The following IPPK variants were observed in gnomAD, a reference collection of about 807,000 sequenced individuals.
IPPK encodes IPK1 homolog.
Under a neutral mutation model 64.6 loss-of-function variants are expected in IPPK, and 22 were observed. That is an observed-to-expected ratio of 0.34 (90% CI 0.24 to 0.49). The LOEUF (loss-of-function observed/expected upper bound fraction) is 0.49, where lower values mean the gene tolerates loss of function less well. Ranked by LOEUF, IPPK falls within the 20% of genes least tolerant of loss-of-function variation. The pLI, the probability that IPPK is intolerant of heterozygous loss-of-function variation, is 0.99. For missense variants in IPPK, 532 were observed against 630.7 expected, an observed-to-expected ratio of 0.84 and a Z score of 1.68; for synonymous variants, 262 against 247.2, an observed-to-expected ratio of 1.06 and a Z score of -0.56.
intron 11 of IPPK, among the ~76,000 whole-genome samples, chr9:92,622,036 T>C (rs7045269): frequency 0.038 from 5,832 of 152,210 alleles, 153 homozygotes; most frequent in Middle Eastern, 0.075. Context: ...TCACAACAAA[T>C]TGCATAATTA....
chr9:92,657,033 C>G (rs1204947946), intron 2 of IPPK, among the ~76,000 whole-genome samples: 5 of 152,142 alleles, frequency 3.3e-5, no homozygotes, highest in Admixed American at 3.3e-4. Context: ...TGGCCCAGTA[C>G]AGCTGTGGTC....
At chr9:92,641,592 G>A (rs1020738468) in intron 7 of IPPK, among the ~76,000 whole-genome samples, 10 of 152,232 alleles carry the variant, frequency 6.6e-5, no homozygotes, top group South Asian at 2.1e-4. Flanking sequence ...CGCCAGACTC[G>A]CTGAAGCCAT....
chr9:92,650,980 T>C (rs1003381016), intron 4 of IPPK, among the ~76,000 whole-genome samples: 8 of 151,924 alleles, frequency 5.3e-5, no homozygotes, highest in Non-Finnish European at 1.0e-4. Context: ...ATCACTGTGG[T>C]GTGATAAACC....
chr9:92,669,787 GGA>G (rs1852688090), intron 1 of IPPK, 119 bp downstream of exon 1: 1 of 670,362 alleles, frequency 1.5e-6, no homozygotes, highest in Non-Finnish European at 2.6e-6. Context: ...GACCGGCCGG[GGA>G]GGAGGAAGGT....
rs914890961 is a variant in IPPK at position 92,668,656 on chromosome 9, G to A, written c.81+1252C>T. Reference sequence around the variant, plus strand: ...GTAACCCAACAACAAAAGGACTCACGCAGAAACATCCCTCACTTTGCCAAT... The same window carrying A: ...GTAACCCAACAACAAAAGGACTCACACAGAAACATCCCTCACTTTGCCAAT... On this transcript the variant is annotated intron_variant, in intron 1 of 12. Transcript: ENST00000287996. 1.1e-4 allele frequency among the ~76,000 whole-genome samples: 17 copies of A among 152,318 alleles called. No individual in the cohort carries two copies. In the South Asian group the frequency reaches 2.1e-3, roughly 19 times the overall value.
At chr9:92,652,186 A>G (rs1327827389) in intron 4 of IPPK, among the ~76,000 whole-genome samples, 1 of 152,004 alleles carries the variant, frequency 6.6e-6, no homozygotes, top group East Asian at 1.9e-4. Context: ...ACGGTGGCTC[A>G]CGCCTATAAT....
intron 2 of IPPK, among the ~76,000 whole-genome samples, chr9:92,657,347 T>TCAAAAAAAAA (rs1852393120): frequency 7.0e-6 from 1 of 143,602 alleles, no homozygotes; most frequent in East Asian, 2.0e-4. Flanking sequence ...AGACTCTGTC[T>TCAAAAAAAAA]CAAAAAAAAA....
chr9:92,661,563 T>C (rs1852484709), intron 1 of IPPK, among the ~76,000 whole-genome samples: 1 of 152,174 alleles, frequency 6.6e-6, no homozygotes, highest in African/African-American at 2.4e-5. Context: ...ACACAGTGGC[T>C]TGGCCTCCCT....
intron 6 of IPPK, among the ~76,000 whole-genome samples, chr9:92,647,643 TGCTTTG>T (rs1335439793): frequency 2.6e-5 from 4 of 151,872 alleles, no homozygotes; most frequent in Non-Finnish European, 5.9e-5. Context: ...GAAGACACCT[TGCTTTG>T]AAGTGATAAA....
At chr9:92,631,332 AC>A (rs553220634) in intron 11 of IPPK, among the ~76,000 whole-genome samples, 55 of 152,130 alleles carry the variant, frequency 3.6e-4, no homozygotes, top group African/African-American at 1.1e-3. Flanking sequence ...AGTAGCTGGA[AC>A]TACAGGCATG....
At chr9:92,664,039 C>A (rs1267291180) in intron 1 of IPPK, among the ~76,000 whole-genome samples, 1 of 152,156 alleles carries the variant, frequency 6.6e-6, no homozygotes, top group Non-Finnish European at 1.5e-5. Context: ...GGCTGCCCTC[C>A]CTGTAGACCC....
chr9:92,633,217 T>G (rs1482291042), intron 11 of IPPK, among the ~76,000 whole-genome samples: 1 of 152,004 alleles, frequency 6.6e-6, no homozygotes, highest in African/African-American at 2.4e-5. Context: ...TTGACCATGT[T>G]AGCCAGGATG....
chr9:92,624,810 CACTCTAAAGTAAATAGAAATGTG>C (rs1229668323), intron 11 of IPPK, among the ~76,000 whole-genome samples: 1 of 152,042 alleles, frequency 6.6e-6, no homozygotes, highest in Non-Finnish European at 1.5e-5. Context: ...ATTCATGGAT[CACTCTAAAGTAAATAGAAATGTG>C]GCAATAAAGT....
chr9:92,640,617 C>T (rs1339323692), intron 8 of IPPK, 93 bp downstream of exon 8: 19 of 846,238 alleles, frequency 2.2e-5, no homozygotes, highest in African/African-American at 1.0e-4. Flanking sequence ...ACACACATGA[C>T]GTGCAGCCCA....
intron 6 of IPPK, among the ~76,000 whole-genome samples, chr9:92,647,488 C>T (rs1852170729): frequency 6.6e-6 from 1 of 152,042 alleles, no homozygotes; most frequent in African/African-American, 2.4e-5. Context: ...CCTTATGATT[C>T]AAAAACCCTC....
intron 1 of IPPK, among the ~76,000 whole-genome samples, chr9:92,667,420 A>G (rs1852622839): frequency 6.6e-6 from 1 of 152,206 alleles, no homozygotes; most frequent in Non-Finnish European, 1.5e-5. Flanking sequence ...CTCGGTCCAC[A>G]GCCTGAGCAA....
At chr9:92,652,438 G>C (rs1047006762) in intron 4 of IPPK, 135 bp downstream of exon 4, 1 of 424,626 alleles carries the variant, frequency 2.4e-6, no homozygotes, top group African/African-American at 2.4e-5. Context: ...GACAGAGTGA[G>C]ACTCCGTCTC....
At chr9:92,618,502 T>C (rs1851517812) in intron 12 of IPPK, 3 of 456,598 alleles carry the variant, frequency 6.6e-6, no homozygotes, top group Non-Finnish European at 8.8e-6. Context: ...CCAAGCACAT[T>C]TCCATTGCCC....
intron 1 of IPPK, among the ~76,000 whole-genome samples, chr9:92,662,343 T>C (rs914992435): frequency 1.1e-4 from 16 of 152,062 alleles, no homozygotes; most frequent in Non-Finnish European, 1.8e-4. Flanking sequence ...CCGACCAACA[T>C]GGAGAAAACC....
Sources: gnomAD v4.1 joint callset for allele counts (sites outside exome capture counted in the v4.1 genomes callset) on GRCh38, gnomAD v4.1.1 for gene constraint, MANE v1.5 for transcripts, NCBI Gene and HGNC (gene_info 2026-07-23, HGNC 2026-07-21) for gene names.